The following MYLIP variants were observed in gnomAD, a reference collection of about 807,000 sequenced individuals.
MYLIP encodes the protein E3 ubiquitin-protein ligase MYLIP.
In MYLIP, 26 loss-of-function variants were observed where a neutral mutation model predicts 45.8. The ratio of observed to expected loss-of-function variants is 0.57; its 90% CI spans 0.42 to 0.79. MYLIP has a LOEUF of 0.79. Among genes scored for constraint, MYLIP ranks in the 30% least tolerant of loss-of-function variants. The pLI is 0.00. For missense variants in MYLIP, 494 were observed against 555.6 expected (o/e 0.89, Z 1.11); for synonymous variants, 213 against 218.1 (o/e 0.98, Z 0.21).
intron 6 of MYLIP, 45 bp downstream of exon 6, chr6:16,145,362 C>A: frequency 6.5e-7 from 1 of 1,533,188 alleles, no homozygotes. Context: ...CTCACCTATC[C>A]CTCCTCTTAA....
intron 2 of MYLIP, among the ~76,000 whole-genome samples, chr6:16,140,738 G>T (rs1759652540): frequency 6.6e-6 from 1 of 152,166 alleles, no homozygotes. Flanking sequence ...AGGAGACGTG[G>T]CTGGAAAGCT....
chr6:16,139,375 A>C (rs1759618171), intron 2 of MYLIP, among the ~76,000 whole-genome samples: 1 of 151,778 alleles, frequency 6.6e-6, no homozygotes, highest in African/African-American at 2.4e-5. Context: ...GCGACAGAGC[A>C]AGACTCCATC....
intron 2 of MYLIP, among the ~76,000 whole-genome samples, chr6:16,135,765 A>ATGTATGC (rs1759541419): frequency 2.1e-5 from 3 of 146,006 alleles, no homozygotes; most frequent in South Asian, 4.2e-4. Flanking sequence ...CTATATATAT[A>ATGTATGC]TATATATATA....
intron 6 of MYLIP, among the ~76,000 whole-genome samples, chr6:16,145,809 A>G (rs984841751): frequency 2.0e-5 from 3 of 152,236 alleles, no homozygotes; most frequent in Non-Finnish European, 4.4e-5. Flanking sequence ...TCAAGGGCAT[A>G]TGGGTTGGCT....
intron 4 of MYLIP, among the ~76,000 whole-genome samples, chr6:16,143,424 C>T (rs778670306): frequency 2.1e-4 from 32 of 152,232 alleles, no homozygotes; most frequent in Middle Eastern, 3.4e-3. Context: ...TAACGTTTTC[C>T]AAATAACCCA....
chr6:16,163,010 C>T, the MYLIP span, among the ~76,000 whole-genome samples: 2 of 151,876 alleles, frequency 1.3e-5, no homozygotes, highest in African/African-American at 2.4e-5. Context: ...CTAATGCAAG[C>T]TTGTGAAGAT....
Position 16,146,855 on chromosome 6 carries a change from G to A in MYLIP, c.*104G>A. ...AAAGTAATTATTCCAACACCCATCT[G>A]CCATGCGATGTTAAAAAAAAAAAAA... is the stretch of plus-strand genomic sequence containing the variant. On this transcript the variant is annotated 3_prime_UTR_variant, in exon 7 of 7. Coordinates refer to ENST00000356840, the MANE Select transcript of MYLIP (RefSeq NM_013262.4). 3.3e-6 allele frequency: 3 copies of A among 920,162 alleles called. No homozygotes were observed. The highest frequency in any genetic ancestry group is 4.7e-6 in the Non-Finnish European group (3 of 637,728). The allele number at this position is 920,162 out of a possible 1,614,324, so 57.0% of individuals were successfully genotyped here.
the MYLIP span, among the ~76,000 whole-genome samples, chr6:16,160,753 G>T: frequency 2.1e-5 from 3 of 144,880 alleles, no homozygotes; most frequent in Admixed American, 6.7e-5. Flanking sequence ...CTTGAACCGA[G>T]ATCATGCCAC....
chr6:16,138,407 G>A (rs1019963658), intron 2 of MYLIP, among the ~76,000 whole-genome samples: 1 of 151,966 alleles, frequency 6.6e-6, no homozygotes, highest in African/African-American at 2.4e-5. Flanking sequence ...GAAAATACTT[G>A]ATTCAAAACC....
chr6:16,134,831 G>A (rs1759518693), intron 2 of MYLIP, among the ~76,000 whole-genome samples: 1 of 152,140 alleles, frequency 6.6e-6, no homozygotes, highest in African/African-American at 2.4e-5. Flanking sequence ...GGATGTTTGT[G>A]TTATTATATG....
At chr6:16,131,544 A>G (rs1247323008) in intron 2 of MYLIP, among the ~76,000 whole-genome samples, 2 of 152,236 alleles carry the variant, frequency 1.3e-5, no homozygotes, top group African/African-American at 4.8e-5. Flanking sequence ...AAGGCAGGAG[A>G]CTTCAATCTT....
At chr6:16,139,476 C>G (rs988243071) in intron 2 of MYLIP, among the ~76,000 whole-genome samples, 2 of 151,994 alleles carry the variant, frequency 1.3e-5, no homozygotes, top group African/African-American at 4.8e-5. Flanking sequence ...TCTTTCAGAG[C>G]GTAATTTCTT....
chr6:16,135,755 C>CTATATATATATATA (rs10593630), intron 2 of MYLIP, among the ~76,000 whole-genome samples: 10 of 125,262 alleles, frequency 8.0e-5, no homozygotes, highest in Non-Finnish European at 1.5e-4. Flanking sequence ...ATACATATAT[C>CTATATATATATATA]TATATATATA....
the MYLIP span, among the ~76,000 whole-genome samples, chr6:16,153,384 G>A: frequency 5.9e-5 from 9 of 152,108 alleles, no homozygotes; most frequent in Admixed American, 2.0e-4. Context: ...CAGCGTTTCC[G>A]TTATTAAAGC....
the MYLIP span, chr6:16,161,376 A>G: frequency 1.7e-5 from 4 of 240,314 alleles, no homozygotes; most frequent in Non-Finnish European, 3.4e-5. Flanking sequence ...CTGCCTCCCA[A>G]ACTGCGAAGA....
At position 16,129,494 on chromosome 6, in the gene MYLIP, C is replaced by T. The variant is rs915702527; in HGVS notation, c.87+85C>T. On this transcript the variant is annotated intron_variant, in intron 1 of 6. Coordinates refer to ENST00000356840, the MANE Select transcript of MYLIP (RefSeq NM_013262.4). This position sits in a 1 kb window ranked among gnomAD's most constrained non-coding sequence, Gnocchi z 5.1. ...GCGACGCCTGGCACTCTGGCGCGCC[C>T]CCTACTAGGGGCCGGGAGGCACTGC... 30 of 1,370,890 alleles carry T rather than the reference C, an allele frequency of 2.2e-5. No individual in the cohort carries two copies. The African/African-American group carries it at 4.2e-4, about 19-fold the overall frequency. 84.9% of individuals were successfully genotyped at this position (1,370,890 alleles called of 1,614,324 possible).
At chr6:16,158,242 C>T in the MYLIP span, among the ~76,000 whole-genome samples, 1 of 152,216 alleles carries the variant, frequency 6.6e-6, no homozygotes, top group Non-Finnish European at 1.5e-5. Flanking sequence ...GCAGAGGCAC[C>T]GTGCAATTCA....
At chr6:16,138,397 G>C (rs1480017212) in intron 2 of MYLIP, among the ~76,000 whole-genome samples, 1 of 152,056 alleles carries the variant, frequency 6.6e-6, no homozygotes, top group South Asian at 2.1e-4. Flanking sequence ...AATACTAAGA[G>C]AAAATACTTG....
Position 16,129,326 on chromosome 6 carries a change from C to T in MYLIP, c.4C>T (p.Leu2=). 1 of 1,570,886 alleles carries T rather than the reference C, an allele frequency of 6.4e-7. No individual in the cohort carries two copies. Among genetic ancestry groups the T allele is most frequent in the Non-Finnish European group, 8.6e-7 (1 of 1,158,878 alleles). The change falls in exon 1 of 7, where the codon CTG becomes TTG. Residue 2 remains leucine (L), a synonymous_variant. Coordinates refer to ENST00000356840, the MANE Select transcript of MYLIP (RefSeq NM_013262.4). This position sits in a 1 kb window ranked among gnomAD's most constrained non-coding sequence, Gnocchi z 5.1. ...GGCGGCAGCGGCAGCCCCAGCCATG[C>T]TGTGTTATGTGACGAGGCCGGACGC... The part of the protein sequence containing the change: M[L]CYVTRPDAVL...
Sources: gnomAD v4.1 joint callset for allele counts (sites outside exome capture counted in the v4.1 genomes callset) on GRCh38, gnomAD v4.1.1 for gene constraint, Gnocchi (gnomAD v3.1) non-coding constraint, MANE v1.5 for transcripts, NCBI Gene and HGNC (gene_info 2026-07-23, HGNC 2026-07-21) for gene names.